Variants in EEFSEC observed in about 807,000 individuals in gnomAD.
EEFSEC encodes the protein selenocysteine-specific elongation factor.
In EEFSEC, 43 loss-of-function variants were observed where a neutral mutation model predicts 42.1. The ratio of observed to expected loss-of-function variants is 1.02; its 90% CI spans 0.80 to 1.32. EEFSEC has a LOEUF of 1.32. Ranked by LOEUF, EEFSEC falls within the 40% of genes most tolerant of loss-of-function variation. The probability of loss-of-function intolerance (pLI) is 0.00; values close to 1 mark genes in which losing one functional copy is unlikely to be tolerated. For synonymous variants in EEFSEC, 354 were observed against 339.1 expected (o/e 1.04, Z -0.48); for missense variants, 745 against 803.6 (o/e 0.93, Z 0.88).
intron 4 of EEFSEC, among the ~76,000 whole-genome samples, chr3:128,305,067 C>T (rs964044876): frequency 6.6e-5 from 10 of 152,014 alleles, no homozygotes; most frequent in Non-Finnish European, 5.9e-5. Context: ...GATGGCTTTT[C>T]GATCTCATTT....
At chr3:128,163,349 A>G (rs368833310) in intron 1 of EEFSEC, among the ~76,000 whole-genome samples, 230 of 152,108 alleles carry the variant, frequency 1.5e-3, no homozygotes, top group South Asian at 5.6e-3. Flanking sequence ...CTTCACTCCA[A>G]TGGCTGGTTT....
chr3:128,262,037 C>G (rs1324531936), intron 2 of EEFSEC, 91 bp from the exon 3 acceptor site: 1 of 1,179,382 alleles, frequency 8.5e-7, no homozygotes, highest in African/African-American at 1.5e-5. Flanking sequence ...ATGCTCACTG[C>G]ACTTGGTACT....
At chr3:128,154,371 CTG>C (rs1394131072) in intron 1 of EEFSEC, among the ~76,000 whole-genome samples, 2 of 152,172 alleles carry the variant, frequency 1.3e-5, no homozygotes. Flanking sequence ...TGCCCCATAT[CTG>C]TACACAAAGC....
At chr3:128,353,185 T>C (rs1344407533) in intron 5 of EEFSEC, among the ~76,000 whole-genome samples, 1 of 152,262 alleles carries the variant, frequency 6.6e-6, no homozygotes, top group African/African-American at 2.4e-5. Flanking sequence ...CTGTACATTA[T>C]TTTGTTTAAA....
intron 6 of EEFSEC, among the ~76,000 whole-genome samples, chr3:128,403,872 G>A (rs114184799): frequency 0.015 from 2,235 of 152,274 alleles, 51 homozygotes; most frequent in African/African-American, 0.051. Context: ...TGTTTCCTTC[G>A]CCACCCTTCT....
At chr3:128,237,517 T>C (rs1050926822) in intron 1 of EEFSEC, among the ~76,000 whole-genome samples, 3 of 152,262 alleles carry the variant, frequency 2.0e-5, no homozygotes, top group Non-Finnish European at 4.4e-5. Context: ...TTGTCCCTGT[T>C]TCCAGATGTG....
intron 4 of EEFSEC, among the ~76,000 whole-genome samples, chr3:128,308,737 T>C (rs1184818584): frequency 6.6e-6 from 1 of 152,190 alleles, no homozygotes; most frequent in Non-Finnish European, 1.5e-5. Context: ...CTCACACCTA[T>C]GGCAGCCCCA....
chr3:128,225,773 A>G (rs2065901834), intron 1 of EEFSEC, among the ~76,000 whole-genome samples: 1 of 152,118 alleles, frequency 6.6e-6, no homozygotes, highest in Non-Finnish European at 1.5e-5. Context: ...TTTATGGGGC[A>G]GGGCATTGGA....
intron 6 of EEFSEC, among the ~76,000 whole-genome samples, chr3:128,381,402 C>T (rs1220165136): frequency 6.6e-6 from 1 of 152,192 alleles, no homozygotes; most frequent in Admixed American, 6.5e-5. Context: ...AATAAATGAT[C>T]AGGTCAAAGA....
At chr3:128,204,449 T>C (rs1477130174) in intron 1 of EEFSEC, among the ~76,000 whole-genome samples, 1 of 152,206 alleles carries the variant, frequency 6.6e-6, no homozygotes, top group Non-Finnish European at 1.5e-5. Context: ...TGGCAGAATT[T>C]CCTTGCTTGT....
chr3:128,227,996 C>T (rs989473796), intron 1 of EEFSEC, among the ~76,000 whole-genome samples: 12 of 152,214 alleles, frequency 7.9e-5, no homozygotes, highest in African/African-American at 2.9e-4. Context: ...AACAAGCATA[C>T]ATAACCTTTT....
At chr3:128,174,215 G>A (rs1277762538) in intron 1 of EEFSEC, among the ~76,000 whole-genome samples, 1 of 152,214 alleles carries the variant, frequency 6.6e-6, no homozygotes, top group Non-Finnish European at 1.5e-5. Context: ...GCTGGTTTAA[G>A]GCCTGCGCTG....
chr3:128,344,217 C>G (rs2067286875), intron 5 of EEFSEC, among the ~76,000 whole-genome samples: 1 of 152,240 alleles, frequency 6.6e-6, no homozygotes, highest in African/African-American at 2.4e-5. Context: ...ATGAGCCTGC[C>G]TCCTGCCTCC....
At chr3:128,290,809 A>C (rs2066635796) in intron 4 of EEFSEC, among the ~76,000 whole-genome samples, 1 of 152,064 alleles carries the variant, frequency 6.6e-6, no homozygotes. Context: ...GCAATGGTGC[A>C]ACCTCGGCTC....
intron 4 of EEFSEC, among the ~76,000 whole-genome samples, chr3:128,297,104 A>G (rs2066714769): frequency 6.6e-6 from 1 of 152,158 alleles, no homozygotes; most frequent in Non-Finnish European, 1.5e-5. Context: ...TTGGGAGACC[A>G]TAGGCACATA....
intron 1 of EEFSEC, among the ~76,000 whole-genome samples, chr3:128,183,349 C>T (rs548584895): frequency 6.6e-6 from 1 of 152,138 alleles, no homozygotes; most frequent in African/African-American, 2.4e-5. Context: ...CATTTGACCC[C>T]AACCTGTTGG....
At chr3:128,279,791 C>T (rs920065821) in intron 4 of EEFSEC, among the ~76,000 whole-genome samples, 2 of 152,172 alleles carry the variant, frequency 1.3e-5, no homozygotes, top group African/African-American at 4.8e-5. Flanking sequence ...CTGCCCCTGA[C>T]TGGCTTCCTG....
chr3:128,187,242 G>A (rs1386276838), intron 1 of EEFSEC, among the ~76,000 whole-genome samples: 5 of 152,188 alleles, frequency 3.3e-5, no homozygotes, highest in African/African-American at 2.4e-5. Context: ...TTGGTTCAGG[G>A]ATAGATACCT....
intron 2 of EEFSEC, among the ~76,000 whole-genome samples, chr3:128,258,992 A>G (rs1473016062): frequency 6.6e-6 from 1 of 152,214 alleles, no homozygotes; most frequent in Non-Finnish European, 1.5e-5. Context: ...ACCACTCATT[A>G]GCCTGTGGCC....
Sources: gnomAD v4.1 joint callset for allele counts (sites outside exome capture counted in the v4.1 genomes callset) on GRCh38, gnomAD v4.1.1 for gene constraint, MANE v1.5 for transcripts, NCBI Gene and HGNC (gene_info 2026-07-23, HGNC 2026-07-21) for gene names.